SMCHD1: variants seen among roughly 807,000 people sequenced by gnomAD.
SMCHD1 encodes the protein structural maintenance of chromosomes flexible hinge domain-containing protein 1.
SMCHD1 carries 78 observed loss-of-function variants against 254.7 expected under a neutral mutation model. The ratio of observed to expected loss-of-function variants is 0.31; its 90% CI spans 0.26 to 0.37. The LOEUF (loss-of-function observed/expected upper bound fraction) is 0.37. Ranked by LOEUF, SMCHD1 falls within the 10% of genes least tolerant of loss-of-function variation. The probability of loss-of-function intolerance (pLI) is 1.00; values close to 1 mark genes in which losing one functional copy is unlikely to be tolerated. For missense variants in SMCHD1, 1,840 were observed against 2,408.1 expected (o/e 0.76, Z 4.94); for synonymous variants, 766 against 794.9 (o/e 0.96, Z 0.61).
Position 2,705,733 on chromosome 18 carries a change from A to G in SMCHD1, c.1882A>G (p.Ile628Val), listed in dbSNP as rs1296681892. 3 of 1,607,920 alleles carry G rather than the reference A, an allele frequency of 1.9e-6. No individual in the cohort carries two copies. The highest frequency in any genetic ancestry group is 1.7e-5 in the Admixed American group (1 of 59,794). The change falls in exon 14 of 48, where the codon ATA becomes GTA. Residue 628 changes from isoleucine (I) to valine (V), a missense_variant. By Grantham distance (29) the Ile-to-Val change is conservative (BLOSUM62 3). Coordinates refer to ENST00000320876, the MANE Select transcript of SMCHD1 (RefSeq NM_015295.3). Reference protein sequence around the residue: ...IKTLPLFYGSIVRFFLYGDHD... With the variant: ...IKTLPLFYGSVVRFFLYGDHD... ...GACACTTCCCCTCTTTTATGGAAGC[A>G]TAGTAAGATTTTTTCTTTATGGCGA...
chr18:2,682,262 CT>C (rs2073947917), intron 5 of SMCHD1, among the ~76,000 whole-genome samples: 2 of 150,886 alleles, frequency 1.3e-5, no homozygotes, highest in Non-Finnish European at 2.9e-5. Context: ...TAGATAGTTT[CT>C]TTTACTAATT....
intron 17 of SMCHD1, among the ~76,000 whole-genome samples, chr18:2,715,883 T>A (rs2074787489): frequency 2.6e-5 from 4 of 152,186 alleles, no homozygotes. Context: ...TTTGAATTTT[T>A]TATTTGATAT....
At chr18:2,730,800 A>C (rs2143474080) in intron 24 of SMCHD1, among the ~76,000 whole-genome samples, 1 of 152,344 alleles carries the variant, frequency 6.6e-6, no homozygotes, top group South Asian at 2.1e-4. Context: ...TTAAATTAGA[A>C]TGAGATGACT....
chr18:2,767,155 A>C (rs968279434), intron 37 of SMCHD1, among the ~76,000 whole-genome samples: 2 of 151,958 alleles, frequency 1.3e-5, no homozygotes, highest in Admixed American at 1.3e-4. Flanking sequence ...CTACTCAGGC[A>C]GCTGAGGTGG....
intron 22 of SMCHD1, 34 bp from the exon 23 acceptor site, chr18:2,728,423 T>C: frequency 6.2e-7 from 1 of 1,600,870 alleles, no homozygotes; most frequent in Non-Finnish European, 8.5e-7. Context: ...CTTTGAAACC[T>C]GAATATGTAT....
chr18:2,759,569 C>CTTTTTTTTTTTT (rs763885639), intron 34 of SMCHD1, among the ~76,000 whole-genome samples: 2 of 36,980 alleles, frequency 5.4e-5, no homozygotes, highest in Non-Finnish European at 9.4e-5. Flanking sequence ...TTTTAATTCT[C>CTTTTTTTTTTTT]TCTTTTTTTT....
At chr18:2,710,830 T>C (rs2143292537) in intron 17 of SMCHD1, among the ~76,000 whole-genome samples, 1 of 152,330 alleles carries the variant, frequency 6.6e-6, no homozygotes, top group South Asian at 2.1e-4. Flanking sequence ...GCCTTTATCA[T>C]GTTGAAGAAG....
Position 2,760,092 on chromosome 18 carries a change from C to T in SMCHD1, c.4347-560C>T, listed in dbSNP as rs746183383. 1.6e-4 allele frequency among the ~76,000 whole-genome samples: 24 copies of T among 152,130 alleles called. 1 individual carries two copies. Among genetic ancestry groups the T allele is most frequent in the Non-Finnish European group, 2.9e-4 (20 of 68,014 alleles). Reference sequence around the variant, plus strand: ...CCTAGGGATCATGAGCCACATCGCACATATTGTAGAATATTATTCATATTT... The same window carrying T: ...CCTAGGGATCATGAGCCACATCGCATATATTGTAGAATATTATTCATATTT... On this transcript the variant is annotated intron_variant, in intron 34 of 47. Transcript: ENST00000320876.
intron 46 of SMCHD1, 120 bp downstream of exon 46, chr18:2,796,227 T>G: frequency 9.9e-7 from 1 of 1,014,208 alleles, no homozygotes; most frequent in East Asian, 2.7e-5. Flanking sequence ...ACAAAAACTC[T>G]TAACCTCCAA....
At chr18:2,663,451 C>T (rs1056050339) in intron 1 of SMCHD1, among the ~76,000 whole-genome samples, 1 of 152,094 alleles carries the variant, frequency 6.6e-6, no homozygotes, top group Non-Finnish European at 1.5e-5. Context: ...TATGCTCACT[C>T]AAAATTATTT....
intron 30 of SMCHD1, among the ~76,000 whole-genome samples, chr18:2,748,366 G>A (rs1568300626): frequency 2.8e-5 from 1 of 35,814 alleles, no homozygotes; most frequent in African/African-American, 8.7e-5. Flanking sequence ...GTGTGTGTGT[G>A]TGTGTGTGTG....
At chr18:2,665,844 CTA>C (rs1209165446) in intron 1 of SMCHD1, among the ~76,000 whole-genome samples, 2 of 152,002 alleles carry the variant, frequency 1.3e-5, no homozygotes, top group African/African-American at 4.8e-5. Context: ...GTATGAAATA[CTA>C]TGTCTTTTGT....
Position 2,688,746 on chromosome 18 carries a change from A to C in SMCHD1, c.872A>C (p.Lys291Thr). ...TATAGTGGATATATTAGAAACAGAA[A>C]GGTACAATACATTTTAACTCATAAT... The part of the protein sequence containing the change: ...AIYSGYIRNR[K>T]PSDSVHITND... Residue 291 changes from lysine (K) to threonine (T), a missense_variant and splice_region_variant, in exon 7 of 48, where the codon AAG (lysine) becomes ACG (threonine). Around this residue, in one of 9 missense-constraint regions of SMCHD1, gnomAD observed 498 missense variants for 743.5 expected, o/e 0.67. Transcript: ENST00000320876. 1 of 1,336,208 alleles carries C rather than the reference A, an allele frequency of 7.5e-7. No individual in the cohort carries two copies. Among genetic ancestry groups the C allele is most frequent in the Non-Finnish European group, 1.0e-6 (1 of 964,488 alleles). The allele number at this position is 1,336,208 out of a possible 1,614,324, so 82.8% of individuals were successfully genotyped here.
chr18:2,739,439 C>G lies in SMCHD1; in HGVS notation c.3433C>G (p.Pro1145Ala). ...CTTGTTAAACAATTTCAGACCACTT[C>G]CTGATGAACCTAAACATTTAAAATG... ...LESAFTVRPL[P>A]DEPKHLKCEM... is the part of the protein sequence containing the mutation. Residue 1145 changes from proline (P) to alanine (A), a missense_variant, in exon 27 of 48, where the codon CCT (proline) becomes GCT (alanine). Transcript: ENST00000320876. The G allele has an allele frequency of 6.2e-7, 1 of 1,612,854 alleles. No homozygotes were observed. Among genetic ancestry groups the G allele is most frequent in the Middle Eastern group, 1.7e-4 (1 of 6,050 alleles).
In SMCHD1 at chr18:2,773,259, A is replaced by G. The variant is rs142328925; in HGVS notation, c.5175+887A>G. Among the ~76,000 whole-genome samples, 1,193 of 152,330 alleles carry G rather than the reference A, an allele frequency of 7.8e-3. 24 individuals are homozygous for G. Among genetic ancestry groups the G allele is most frequent in the African/African-American group, 0.027 (1,102 of 41,580 alleles). Reference sequence around the variant, plus strand: ...TTAGGAAACAAGTTGCTAATATACAATGTTTTAAAATATTATTCCAATTTT... The same window carrying G: ...TTAGGAAACAAGTTGCTAATATACAGTGTTTTAAAATATTATTCCAATTTT... On this transcript the variant is annotated intron_variant, in intron 41 of 47. Transcript: ENST00000320876.
In SMCHD1 at chr18:2,777,846, C is replaced by T. The variant is rs867822551; in HGVS notation, c.5407C>T (p.Pro1803Ser). The change falls in exon 43 of 48, where the codon CCC becomes TCC. Residue 1803 changes from proline (P) to serine (S), a missense_variant. By Grantham distance (74) the Pro-to-Ser change is moderately conservative. Coordinates refer to ENST00000320876, the MANE Select transcript of SMCHD1 (RefSeq NM_015295.3). ...HFRNGKLYFK[P>S]IGDPVFARDL... ...CCGAAATGGAAAATTGTATTTTAAACCCATTGGAGATCCAGTCTTTGCTCG... is the reference window on the plus strand; with the variant it reads ...CCGAAATGGAAAATTGTATTTTAAATCCATTGGAGATCCAGTCTTTGCTCG... 6.5e-7 allele frequency: 1 copy of T among 1,549,376 alleles called. No individual in the cohort carries two copies. The highest frequency in any genetic ancestry group is 2.4e-5 in the East Asian group (1 of 41,556).
At position 2,718,404 on chromosome 18, in the gene SMCHD1, C is replaced by G; in HGVS notation, c.2428C>G (p.Pro810Ala). ...AGACACTTATGCAGGAAGACCACTA[C>G]CATCTAAAGCAATTAAGTTTTCTGT... Reference protein sequence around the residue: ...NADTYAGRPLPSKAIKFSVKE... With the variant: ...NADTYAGRPLASKAIKFSVKE... Residue 810 changes from proline (P) to alanine (A), a missense_variant, in exon 19 of 48, where the codon CCA becomes GCA. Pro to Ala is a conservative substitution (Grantham distance 27). Coordinates refer to ENST00000320876, the MANE Select transcript of SMCHD1 (RefSeq NM_015295.3). This position sits in a 1 kb window ranked among gnomAD's most constrained non-coding sequence, Gnocchi z 4.6. 6.2e-7 allele frequency: 1 copy of G among 1,610,060 alleles called. No individual in the cohort carries two copies. Among genetic ancestry groups the G allele is most frequent in the African/African-American group, 1.3e-5 (1 of 74,824 alleles).
chr18:2,721,463 A>G (rs192070078), intron 19 of SMCHD1, among the ~76,000 whole-genome samples: 1 of 152,226 alleles, frequency 6.6e-6, no homozygotes, highest in Non-Finnish European at 1.5e-5. Context: ...TATTTTCATA[A>G]GATGGGCGTG....
In SMCHD1 at chr18:2,670,306, C is replaced by T. The variant is rs186935716; in HGVS notation, c.425-2975C>T. Among the ~76,000 whole-genome samples the T allele has an allele frequency of 1.7e-3, 253 of 152,100 alleles. 2 individuals are homozygous for T. Among genetic ancestry groups the T allele is most frequent in the Non-Finnish European group, 8.8e-5 (6 of 68,002 alleles). On this transcript the variant is annotated intron_variant, in intron 3 of 47. Coordinates refer to ENST00000320876, the MANE Select transcript of SMCHD1 (RefSeq NM_015295.3). ...TTGGAATGCTTTTCCTCCAGTTAGC[C>T]CTGCACTCATTTCTTCACTTCCTCC...
Sources: allele counts gnomAD v4.1 joint callset (sites outside exome capture counted in the v4.1 genomes callset), GRCh38; gene constraint gnomAD v4.1.1; regional missense constraint gnomAD v4.1.1; non-coding constraint Gnocchi (gnomAD v3.1); transcripts MANE v1.5; gene names NCBI Gene and HGNC (gene_info 2026-07-23, HGNC 2026-07-21).